Variants in CASZ1 observed in about 807,000 individuals in gnomAD.
The protein encoded by CASZ1 is zinc finger protein castor homolog 1.
Under a neutral mutation model 135.2 loss-of-function variants are expected in CASZ1, and 28 were observed. The ratio of observed to expected loss-of-function variants is 0.21; its 90% confidence interval spans 0.15 to 0.28. The LOEUF is 0.28. Among genes scored for constraint, CASZ1 ranks in the 10% least tolerant of loss-of-function variants. The pLI is 1.00. For synonymous variants in CASZ1, 1,068 were observed against 1,073.4 expected (o/e 0.99, Z 0.10); for missense variants, 2,161 against 2,453.3 (o/e 0.88, Z 2.52).
rs918065396 is a variant in CASZ1 at position 10,696,913 on chromosome 1, C to CG, written c.-23-3002dup. Among the ~76,000 whole-genome samples, 17 of 152,264 alleles carry CG rather than the reference C, an allele frequency of 1.1e-4. No individual in the cohort carries two copies. The East Asian group carries it at 1.5e-3, about 14-fold the overall frequency. ...CACCTGGATTGGCCACCCAGTAACT[C>CG]GGGGGGTCTCAGGCAGACAAAGGCT... On this transcript the variant is annotated intron_variant, in intron 3 of 20. Transcript: ENST00000377022.
At position 10,706,060 on chromosome 1, in the gene CASZ1, C is replaced by T. The variant is rs1051556976; in HGVS notation, c.-76-516G>A. The stretch of plus-strand genomic sequence containing the variant: ...CAAGTTGGTGACAGAGGGGCAAGGG[C>T]GGGCCAGGGGCCAAGGCATCAGGAA... On this transcript the variant is annotated intron_variant, in intron 2 of 20. Transcript: ENST00000377022. The surrounding 1 kb of genome is among the most constrained non-coding windows in gnomAD (Gnocchi z 4.3). Among the ~76,000 whole-genome samples, 1 of 152,250 alleles carries T rather than the reference C, an allele frequency of 6.6e-6. No individual in the cohort carries two copies. The highest frequency in any genetic ancestry group is 1.5e-5 in the Non-Finnish European group (1 of 68,040).
chr1:10,636,883 T>C lies in CASZ1; in HGVS notation c.*2059A>G, dbSNP rs952808880. 1.3e-5 allele frequency: 2 copies of C among 151,986 alleles called. No homozygotes were observed. The highest frequency in any genetic ancestry group is 2.9e-5 in the Non-Finnish European group (2 of 67,960). 9.4% of individuals were successfully genotyped at this position (151,986 alleles called of 1,614,324 possible). A position where few individuals can be genotyped will look rare whatever the true frequency, so the allele number is the denominator to read the frequency against. Reference sequence around the variant, plus strand: ...CTATATATGTATATACATATAGATATATACACACACATATGTGCATACATA... The same window carrying C: ...CTATATATGTATATACATATAGATACATACACACACATATGTGCATACATA... On this transcript the variant is annotated 3_prime_UTR_variant, in exon 21 of 21. Coordinates refer to ENST00000377022, the MANE Select transcript of CASZ1 (RefSeq NM_001079843.3).
At position 10,639,763 on chromosome 1, in the gene CASZ1, G is replaced by C. The variant is rs1570390802; in HGVS notation, c.4459C>G (p.Leu1487Val). Residue 1487 changes from leucine to valine, a missense_variant, in exon 21 of 21, where the codon CTG becomes GTG. Leu to Val is a conservative substitution (Grantham distance 32). This residue lies in a region of CASZ1 where 240 missense variants were observed against 321.4 expected (regional missense o/e 0.75). Coordinates refer to ENST00000377022, the MANE Select transcript of CASZ1 (RefSeq NM_001079843.3). This position sits in a 1 kb window ranked among gnomAD's most constrained non-coding sequence, Gnocchi z 4.0. ...AAGCGCTTGAAGTCGTCCAGCACCAGGTTGTCCACGCGGTCGTGGTGCTGC... is the reference window on the plus strand; with the variant it reads ...AAGCGCTTGAAGTCGTCCAGCACCACGTTGTCCACGCGGTCGTGGTGCTGC... ...HAQHHDRVDN[L>V]VLDDFKRFKA... 6.3e-7 allele frequency: 1 copy of C among 1,599,324 alleles called. No homozygotes were observed. Among genetic ancestry groups the C allele is most frequent in the Admixed American group, 1.7e-5 (1 of 57,688 alleles).
chr1:10,690,594 C>T lies in CASZ1; in HGVS notation c.16+3280G>A, dbSNP rs181906833. 8.2e-4 allele frequency among the ~76,000 whole-genome samples: 125 copies of T among 152,282 alleles called. 2 individuals are homozygous for T. In the East Asian group the frequency reaches 0.019, roughly 23 times the overall value. On this transcript the variant is annotated intron_variant, in intron 4 of 20. Coordinates refer to ENST00000377022, the MANE Select transcript of CASZ1 (RefSeq NM_001079843.3). ...TGGAGCCCCAGAAGGAGAAAGAAAC[C>T]GGCCGGGCTTCCTCCCATTGACCCG...
At chr1:10,712,770 G>C (rs1216206783) in intron 2 of CASZ1, among the ~76,000 whole-genome samples, 1 of 152,206 alleles carries the variant, frequency 6.6e-6, no homozygotes, top group Non-Finnish European at 1.5e-5. Context: ...TGCCGTTCCC[G>C]GCACACACAC....
intron 18 of CASZ1, among the ~76,000 whole-genome samples, 154 bp downstream of exon 18, chr1:10,644,763 G>A (rs144925753): frequency 2.6e-5 from 4 of 152,328 alleles, no homozygotes; most frequent in Non-Finnish European, 4.4e-5. Flanking sequence ...AAGCTTGACA[G>A]TGCCTAGCCC....
At chr1:10,786,018 C>T (rs1032593883) in intron 1 of CASZ1, among the ~76,000 whole-genome samples, 3 of 152,242 alleles carry the variant, frequency 2.0e-5, no homozygotes, top group Non-Finnish European at 4.4e-5. Context: ...CTCAGCCTGG[C>T]TCCTGATCCC....
intron 11 of CASZ1, chr1:10,653,058 G>GA: frequency 2.5e-6 from 1 of 407,778 alleles, no homozygotes; most frequent in East Asian, 5.7e-5. Context: ...TGGGATGTGG[G>GA]AGGGTGAGCA....
chr1:10,772,618 G>A (rs897893132), intron 1 of CASZ1, among the ~76,000 whole-genome samples: 1 of 152,112 alleles, frequency 6.6e-6, no homozygotes, highest in Non-Finnish European at 1.5e-5. Flanking sequence ...GAGCATGCAG[G>A]CCCTCCTGTG....
chr1:10,793,868 TG>T (rs989950682), intron 1 of CASZ1, among the ~76,000 whole-genome samples: 2 of 151,796 alleles, frequency 1.3e-5, no homozygotes, highest in Non-Finnish European at 2.9e-5. Flanking sequence ...AACCGAAGTT[TG>T]GGAAGTGGGA....
intron 4 of CASZ1, among the ~76,000 whole-genome samples, chr1:10,687,637 G>A (rs1236834574): frequency 1.3e-5 from 2 of 152,240 alleles, no homozygotes; most frequent in African/African-American, 2.4e-5. Flanking sequence ...GGGCAGACAT[G>A]CAGTGGTGAG....
Position 10,657,611 on chromosome 1 carries a change from G to A in CASZ1, c.1410-875C>T, listed in dbSNP as rs922172783. 6.6e-6 allele frequency among the ~76,000 whole-genome samples: 1 copy of A among 152,146 alleles called. No individual in the cohort carries two copies. The highest frequency in any genetic ancestry group is 1.9e-4 in the East Asian group (1 of 5,200). ...GGAGACAGCACGGGGCAGAGCTGAA[G>A]ACAGAGTGGGACAGGGGGGCGGAGA... On this transcript the variant is annotated intron_variant, in intron 7 of 20. Transcript: ENST00000377022. This position sits in a 1 kb window ranked among gnomAD's most constrained non-coding sequence, Gnocchi z 5.7.
At chr1:10,728,751 C>A (rs1250845198) in intron 2 of CASZ1, among the ~76,000 whole-genome samples, 2 of 151,996 alleles carry the variant, frequency 1.3e-5, no homozygotes, top group South Asian at 4.2e-4. Context: ...GACCGACCGT[C>A]ACATGAGAGG....
Position 10,697,836 on chromosome 1 carries a change from G to A in CASZ1, c.-23-3924C>T, listed in dbSNP as rs544803888. Among the ~76,000 whole-genome samples the A allele has an allele frequency of 4.6e-5, 7 of 152,386 alleles. No homozygotes were observed. The East Asian group carries it at 5.8e-4, about 13-fold the overall frequency. ...ACAGAAGCCTTGGCCAAAGGACTGC[G>A]TGTGCCTGCGAACAAGCATGTTCGC... On this transcript the variant is annotated intron_variant, in intron 3 of 20. Coordinates refer to ENST00000377022, the MANE Select transcript of CASZ1 (RefSeq NM_001079843.3). This position sits in a 1 kb window ranked among gnomAD's most constrained non-coding sequence, Gnocchi z 4.7.
At chr1:10,716,826 C>G (rs983687636) in intron 2 of CASZ1, among the ~76,000 whole-genome samples, 2 of 152,250 alleles carry the variant, frequency 1.3e-5, no homozygotes, top group South Asian at 4.1e-4. Context: ...AGTCCATCCC[C>G]CAAAGGCTTT....
intron 1 of CASZ1, among the ~76,000 whole-genome samples, chr1:10,792,524 C>T (rs1334540187): frequency 1.3e-5 from 2 of 151,934 alleles, no homozygotes; most frequent in Non-Finnish European, 2.9e-5. Flanking sequence ...ATGGTTCTAC[C>T]TACAACTTAG....
intron 4 of CASZ1, among the ~76,000 whole-genome samples, chr1:10,672,103 G>T (rs932381291): frequency 6.6e-6 from 1 of 152,130 alleles, no homozygotes; most frequent in Non-Finnish European, 1.5e-5. Context: ...CTGCTTGCCC[G>T]AGAGGCCTCC....
chr1:10,676,689 C>T lies in CASZ1; in HGVS notation c.17-11118G>A, dbSNP rs1638235145. 6.6e-6 allele frequency among the ~76,000 whole-genome samples: 1 copy of T among 152,188 alleles called. No individual in the cohort carries two copies. Among genetic ancestry groups the T allele is most frequent in the African/African-American group, 2.4e-5 (1 of 41,450 alleles). Reference sequence around the variant, plus strand: ...CCAGCCTACAGCTCAGAAACGAGCCCCTGGCCCGGGGCGAGCAGCCCCACA... The same window carrying T: ...CCAGCCTACAGCTCAGAAACGAGCCTCTGGCCCGGGGCGAGCAGCCCCACA... On this transcript the variant is annotated intron_variant, in intron 4 of 20. Coordinates refer to ENST00000377022, the MANE Select transcript of CASZ1 (RefSeq NM_001079843.3). The surrounding 1 kb of genome is among the most constrained non-coding windows in gnomAD (Gnocchi z 4.5).
At chr1:10,791,143 C>T (rs921571988) in intron 1 of CASZ1, among the ~76,000 whole-genome samples, 8 of 151,098 alleles carry the variant, frequency 5.3e-5, no homozygotes, top group Non-Finnish European at 1.0e-4. Flanking sequence ...TGTTGATTCC[C>T]GAGAAGAAGA....
Sources: gnomAD v4.1 joint callset for allele counts (sites outside exome capture counted in the v4.1 genomes callset) on GRCh38, gnomAD v4.1.1 for gene constraint, gnomAD v4.1.1 regional missense constraint, Gnocchi (gnomAD v3.1) non-coding constraint, MANE v1.5 for transcripts, NCBI Gene and HGNC (gene_info 2026-07-23, HGNC 2026-07-21) for gene names.